Variants in ALDH9A1 observed in about 807,000 individuals in gnomAD.
ALDH9A1 encodes the protein aldehyde dehydrogenase 9 family member A1.
A neutral mutation model predicts 56.6 loss-of-function variants in ALDH9A1; 42 were observed. The ratio of observed to expected loss-of-function variants is 0.74; its 90% confidence interval spans 0.58 to 0.96. ALDH9A1 has a LOEUF of 0.96. ALDH9A1 is among the 40% of genes least tolerant of loss of function. The pLI is 0.00. For missense variants in ALDH9A1, 661 were observed against 651.5 expected (o/e 1.01, Z -0.16); for synonymous variants, 242 against 236.0 (o/e 1.03, Z -0.23).
At chr1:165,686,734 T>C (rs1477085860) in intron 2 of ALDH9A1, among the ~76,000 whole-genome samples, 1 of 152,176 alleles carries the variant, frequency 6.6e-6, no homozygotes, top group African/African-American at 2.4e-5. Flanking sequence ...CTTAAGAATA[T>C]TTTTTAAAGT....
chr1:165,688,067 A>C (rs977609198), intron 2 of ALDH9A1, among the ~76,000 whole-genome samples: 2 of 152,150 alleles, frequency 1.3e-5, no homozygotes, highest in African/African-American at 4.8e-5. Flanking sequence ...GTACAGTCCC[A>C]GCACTTTGGG....
chr1:165,683,109 T>A lies in ALDH9A1; in HGVS notation c.329A>T (p.Glu110Val), dbSNP rs771110356. 1.2e-6 allele frequency: 2 copies of A among 1,613,832 alleles called. No homozygotes were observed. The highest frequency in any genetic ancestry group is 1.7e-5 in the Admixed American group (1 of 59,982). Residue 110 changes from glutamate to valine, a missense_variant and splice_region_variant, in exon 3 of 11, where the codon GAA (glutamate) becomes GTA (valine). Physicochemically the swap from Glu to Val is moderately radical, Grantham distance 121. Transcript: ENST00000354775. ...ILLEAARIIR[E>V]REDEIATMEC... ...CATAGTAGCAATTTCATCCTCCCGTTCCTTTGGGTAAAGCAGAAGACTAGA... is the reference window on the plus strand; with the variant it reads ...CATAGTAGCAATTTCATCCTCCCGTACCTTTGGGTAAAGCAGAAGACTAGA...
chr1:165,684,673 G>A (rs1365797920), intron 2 of ALDH9A1, among the ~76,000 whole-genome samples: 1 of 152,170 alleles, frequency 6.6e-6, no homozygotes, highest in Non-Finnish European at 1.5e-5. Context: ...TTAATCGGTT[G>A]AATAAAGTGA....
chr1:165,684,218 T>C (rs781618640), intron 2 of ALDH9A1, among the ~76,000 whole-genome samples: 5 of 152,224 alleles, frequency 3.3e-5, no homozygotes, highest in Non-Finnish European at 7.3e-5. Context: ...TCATTCTACA[T>C]TCATTACTAG....
At position 165,698,512 on chromosome 1, in the gene ALDH9A1, C is replaced by T. The variant is rs755182805; in HGVS notation, c.47G>A (p.Ser16Asn). 1 of 1,610,914 alleles carries T rather than the reference C, an allele frequency of 6.2e-7. No homozygotes were observed. Among genetic ancestry groups the T allele is most frequent in the South Asian group, 1.1e-5 (1 of 90,754 alleles). Residue 16 changes from serine to asparagine, a missense_variant, in exon 1 of 11, where the codon AGT becomes AAT. Physicochemically the swap from Ser to Asn is conservative, Grantham distance 46 (BLOSUM62 1). Coordinates refer to ENST00000354775, the MANE Select transcript of ALDH9A1 (RefSeq NM_000696.4). Reference sequence around the variant, plus strand: ...GGCGGCGACAGGAGAGGGCCGAAGACTGCGAAGAAGCGGGGAGAGCGCGGC... The same window carrying T: ...GGCGGCGACAGGAGAGGGCCGAAGATTGCGAAGAAGCGGGGAGAGCGCGGC... ...GLAALSPLLR[S>N]LRPSPVAAMS...
intron 2 of ALDH9A1, among the ~76,000 whole-genome samples, chr1:165,691,760 A>G (rs1649899130): frequency 6.6e-6 from 1 of 151,934 alleles, no homozygotes; most frequent in Non-Finnish European, 1.5e-5. Context: ...ATACCAAGAC[A>G]TAACAAAAAA....
chr1:165,691,650 G>A (rs1032616080), intron 2 of ALDH9A1, among the ~76,000 whole-genome samples: 9 of 152,188 alleles, frequency 5.9e-5, no homozygotes, highest in African/African-American at 2.2e-4. Flanking sequence ...TTCTACCAGA[G>A]ATACAAAGAT....
intron 5 of ALDH9A1, among the ~76,000 whole-genome samples, chr1:165,680,189 A>C (rs1181892608): frequency 6.6e-6 from 1 of 151,544 alleles, no homozygotes; most frequent in East Asian, 1.9e-4. Flanking sequence ...AAATTAAGTC[A>C]CTAAACAATA....
intron 2 of ALDH9A1, among the ~76,000 whole-genome samples, chr1:165,686,018 AC>A (rs1649697222): frequency 6.6e-6 from 1 of 152,232 alleles, no homozygotes; most frequent in South Asian, 2.1e-4. Flanking sequence ...TGGTATAAGT[AC>A]CAAAGGATTC....
chr1:165,686,572 C>A (rs1424784562), intron 2 of ALDH9A1, among the ~76,000 whole-genome samples: 1 of 151,042 alleles, frequency 6.6e-6, no homozygotes, highest in African/African-American at 2.4e-5. Flanking sequence ...ATGTTCCCAC[C>A]AGCCATGGTG....
rs1376412764 is a variant in ALDH9A1, at chr1:165,679,457, G to T, written c.915C>A (p.Phe305Leu). 1 of 1,614,150 alleles carries T rather than the reference G, an allele frequency of 6.2e-7. No homozygotes were observed. The highest frequency in any genetic ancestry group is 8.5e-7 in the Non-Finnish European group (1 of 1,180,016). ...NAVKGALMAN[F>L]LTQGQVCCNG... The stretch of plus-strand genomic sequence containing the variant: ...AGGTACATACCTGGCCTTGTGTGAG[G>T]AAGTTGGCCATCAGCGCCCCCTTTA... Residue 305 changes from phenylalanine to leucine, a missense_variant, in exon 6 of 11, where the codon TTC (phenylalanine) becomes TTA (leucine). Transcript: ENST00000354775.
At chr1:165,667,638 A>G (rs1571165703) in intron 8 of ALDH9A1, among the ~76,000 whole-genome samples, 188 bp from the exon 9 acceptor site, 2 of 152,040 alleles carry the variant, frequency 1.3e-5, no homozygotes, top group African/African-American at 4.8e-5. Context: ...TAGCCCCAAT[A>G]TTTTTAATTT....
chr1:165,680,847 C>G (rs1041554910), intron 4 of ALDH9A1, among the ~76,000 whole-genome samples, 164 bp from the exon 5 acceptor site: 1 of 152,170 alleles, frequency 6.6e-6, no homozygotes, highest in Non-Finnish European at 1.5e-5. Flanking sequence ...TGTTTTCATG[C>G]TGCTGATAAA....
chr1:165,686,411 A>G (rs1379007274), intron 2 of ALDH9A1, among the ~76,000 whole-genome samples: 1 of 152,060 alleles, frequency 6.6e-6, no homozygotes, highest in African/African-American at 2.4e-5. Context: ...AAAGAGCTGC[A>G]CAGATAGAGA....
chr1:165,697,009 C>T (rs1650110135), intron 1 of ALDH9A1, among the ~76,000 whole-genome samples: 1 of 152,186 alleles, frequency 6.6e-6, no homozygotes, highest in Admixed American at 6.5e-5. Context: ...ATTCTCCAGT[C>T]CCCTGCAAAT....
chr1:165,667,651 C>T lies in ALDH9A1; in HGVS notation c.1208-201G>A, dbSNP rs1013085981. Among the ~76,000 whole-genome samples, 3 of 152,152 alleles carry T rather than the reference C, an allele frequency of 2.0e-5. No individual in the cohort carries two copies. In the South Asian group the frequency reaches 6.2e-4, roughly 32 times the overall value. The stretch of plus-strand genomic sequence containing the variant: ...CCTAGCCCCAATATTTTTAATTTAA[C>T]AATGTATTGTAAGCTTTTCCTATTT... On this transcript the variant is annotated intron_variant, in intron 8 of 10. Coordinates refer to ENST00000354775, the MANE Select transcript of ALDH9A1 (RefSeq NM_000696.4).
chr1:165,688,417 G>A (rs1397026580), intron 2 of ALDH9A1, among the ~76,000 whole-genome samples: 1 of 152,204 alleles, frequency 6.6e-6, no homozygotes, highest in Non-Finnish European at 1.5e-5. Context: ...AATGACTTAT[G>A]AGCACCAGAA....
rs1056875021 is a variant in ALDH9A1 at position 165,698,432 on chromosome 1, G to A, written c.127C>T (p.Arg43Cys). ...CCGGAGGCGTCCGCCGGCTCCACGC[G>A]GGCCCCGCCGCGGTAATTGAGCGGC... ...SQPLNYRGGA[R>C]VEPADASGTE... The change falls in exon 1 of 11, where the codon CGC (arginine) becomes TGC (cysteine). Residue 43 changes from arginine to cysteine, a missense_variant. Transcript: ENST00000354775. 2 of 1,606,124 alleles carry A rather than the reference G, an allele frequency of 1.2e-6. No individual in the cohort carries two copies. The highest frequency in any genetic ancestry group is 1.7e-5 in the Admixed American group (1 of 59,104).
intron 2 of ALDH9A1, among the ~76,000 whole-genome samples, chr1:165,689,812 T>C (rs1340233578): frequency 2.0e-5 from 3 of 151,706 alleles, no homozygotes; most frequent in Non-Finnish European, 2.9e-5. Flanking sequence ...CATGTGCCTG[T>C]AATCCCAGCT....
Sources: allele counts gnomAD v4.1 joint callset (sites outside exome capture counted in the v4.1 genomes callset), GRCh38; gene constraint gnomAD v4.1.1; transcripts MANE v1.5; gene names NCBI Gene and HGNC (gene_info 2026-07-23, HGNC 2026-07-21).